The following C2orf76 variants were observed in gnomAD, a reference collection of about 807,000 sequenced individuals.
C2orf76 encodes the protein UPF0538 protein C2orf76.
In C2orf76, 23 loss-of-function variants were observed where a neutral mutation model predicts 16.9. The observed-to-expected ratio is 1.36, with a 90% CI of 0.98 to 1.93. The LOEUF is 1.93. C2orf76 is among the 30% of genes most tolerant of loss of function. The pLI is 0.00. For missense variants in C2orf76, 152 were observed against 152.6 expected (o/e 1.00, Z 0.02); for synonymous variants, 48 against 52.3 (o/e 0.92, Z 0.35).
At chr2:119,357,873 A>T (rs1346326818) in intron 1 of C2orf76, among the ~76,000 whole-genome samples, 3 of 152,232 alleles carry the variant, frequency 2.0e-5, no homozygotes, top group African/African-American at 7.2e-5. Context: ...GGAATTAATG[A>T]ATTTGGCAAA....
In C2orf76 at chr2:119,365,220, T is replaced by C. The variant is rs190309576; in HGVS notation, c.-13+1570A>G. 2.0e-5 allele frequency among the ~76,000 whole-genome samples: 3 copies of C among 152,334 alleles called. No individual in the cohort carries two copies. The East Asian group carries it at 5.8e-4, about 29-fold the overall frequency. ...CTGCTGACTAGGAGATGTATTTGACTGCAAATCTGGCCCACACAAGCAATA... is the reference window on the plus strand; with the variant it reads ...CTGCTGACTAGGAGATGTATTTGACCGCAAATCTGGCCCACACAAGCAATA... On this transcript the variant is annotated intron_variant, in intron 1 of 5. Transcript: ENST00000334816.
rs760737075 is a variant in C2orf76 at position 119,339,938 on chromosome 2, T to C, written c.22A>G (p.Ile8Val). MAPGEVT[I>V]TVRLIRSFEH... ...AAGGAACGGATGAGGCGAACTGTGATGGTCACTTCTCCAGGAGCCATGTGA... is the reference window on the plus strand; with the variant it reads ...AAGGAACGGATGAGGCGAACTGTGACGGTCACTTCTCCAGGAGCCATGTGA... Residue 8 changes from isoleucine to valine, a missense_variant, in exon 2 of 6, where the codon ATC becomes GTC. Ile to Val is a conservative substitution (Grantham distance 29, BLOSUM62 3). Transcript: ENST00000334816. The C allele has an allele frequency of 6.2e-7, 1 of 1,612,234 alleles. No homozygotes were observed. The highest frequency in any genetic ancestry group is 8.5e-7 in the Non-Finnish European group (1 of 1,178,370).
chr2:119,302,959 C>T (rs1355679021), intron 5 of C2orf76, among the ~76,000 whole-genome samples: 4 of 151,924 alleles, frequency 2.6e-5, no homozygotes, highest in Middle Eastern at 6.8e-3. Flanking sequence ...TTTTCCCCCC[C>T]TGAAATTAGC....
At chr2:119,293,387 A>G in the C2orf76 span, among the ~76,000 whole-genome samples, 7 of 152,302 alleles carry the variant, frequency 4.6e-5, no homozygotes, top group East Asian at 7.7e-4. Context: ...GCCCTGGGGC[A>G]TGTGTATGTT....
At chr2:119,347,716 A>T (rs758509741) in intron 1 of C2orf76, among the ~76,000 whole-genome samples, 1 of 152,016 alleles carries the variant, frequency 6.6e-6, no homozygotes, top group Non-Finnish European at 1.5e-5. Flanking sequence ...TCCAAAAATA[A>T]TTTTTTAATT....
downstream of C2orf76, among the ~76,000 whole-genome samples, chr2:119,300,704 T>A (rs921679875): frequency 1.6e-4 from 25 of 152,232 alleles, no homozygotes; most frequent in African/African-American, 6.0e-4. Context: ...CTCAGAACAT[T>A]TACATTAGCC....
intron 2 of C2orf76, among the ~76,000 whole-genome samples, chr2:119,336,731 A>C (rs1014665709): frequency 9.9e-5 from 15 of 152,150 alleles, no homozygotes; most frequent in African/African-American, 1.2e-4. Flanking sequence ...TGTGTAAAAT[A>C]ACTCCAAGAG....
At chr2:119,284,248 C>T in the C2orf76 span, among the ~76,000 whole-genome samples, 3 of 152,174 alleles carry the variant, frequency 2.0e-5, no homozygotes, top group Non-Finnish European at 2.9e-5. Flanking sequence ...TGTCACATCC[C>T]GCCTGGCTGA....
At chr2:119,353,495 T>C (rs1680468061) in intron 1 of C2orf76, among the ~76,000 whole-genome samples, 1 of 150,418 alleles carries the variant, frequency 6.6e-6, no homozygotes, top group African/African-American at 2.4e-5. Flanking sequence ...TAGATTTCGG[T>C]AACAATGAAA....
the C2orf76 span, among the ~76,000 whole-genome samples, chr2:119,287,518 GTTT>G: frequency 6.7e-6 from 1 of 148,440 alleles, no homozygotes; most frequent in African/African-American, 2.5e-5. Flanking sequence ...CTAATAACAT[GTTT>G]TTTTTTTTAA....
At chr2:119,366,969 C>T, upstream of C2orf76, 3 of 1,582,968 alleles carry the variant, frequency 1.9e-6, no homozygotes, top group Non-Finnish European at 1.7e-6. Context: ...CCTCTAAAGG[C>T]GCTTGCCAGT....
the C2orf76 span, among the ~76,000 whole-genome samples, chr2:119,293,884 C>G: frequency 2.6e-5 from 4 of 152,162 alleles, no homozygotes; most frequent in East Asian, 7.7e-4. Flanking sequence ...GGAGAAAGCT[C>G]AGAGGCTCAG....
chr2:119,366,524 C>CG, intron 1 of C2orf76: 1 of 471,284 alleles, frequency 2.1e-6, no homozygotes, highest in Non-Finnish European at 4.4e-6. Context: ...GGACCATCTC[C>CG]GGGGGTCTCC....
rs1681029369 is a variant in C2orf76, at chr2:119,366,825, T to C, written c.-48A>G. On this transcript the variant is annotated 5_prime_UTR_variant, in exon 1 of 6. Transcript: ENST00000334816. ...CGTCCCCTTCGGCTACTCCCGGCGTTTGCGCAAGCGGTCCCACGTGGGCTC... is the reference window on the plus strand; with the variant it reads ...CGTCCCCTTCGGCTACTCCCGGCGTCTGCGCAAGCGGTCCCACGTGGGCTC... 7 of 594,566 alleles carry C rather than the reference T, an allele frequency of 1.2e-5. No individual in the cohort carries two copies. In the South Asian group the frequency reaches 1.5e-4, roughly 12 times the overall value. The allele number at this position is 594,566 out of a possible 1,614,324, so 36.8% of individuals were successfully genotyped here. A position where few individuals can be genotyped will look rare whatever the true frequency, so the allele number is the denominator to read the frequency against.
intron 1 of C2orf76, among the ~76,000 whole-genome samples, chr2:119,364,877 A>G (rs1394647091): frequency 1.3e-5 from 2 of 152,028 alleles, no homozygotes; most frequent in Non-Finnish European, 2.9e-5. Flanking sequence ...CCAGGAGATC[A>G]AGACCAACAA....
intron 1 of C2orf76, among the ~76,000 whole-genome samples, chr2:119,342,927 G>T (rs1194034128): frequency 6.6e-6 from 1 of 152,016 alleles, no homozygotes; most frequent in Non-Finnish European, 1.5e-5. Context: ...GCGCCACCAG[G>T]CCCGGCTAAT....
chr2:119,324,724 G>A (rs778089745), intron 2 of C2orf76, among the ~76,000 whole-genome samples: 2 of 152,102 alleles, frequency 1.3e-5, no homozygotes, highest in Non-Finnish European at 2.9e-5. Flanking sequence ...CTGCCCTCTC[G>A]ACTCCCCTCC....
the C2orf76 span, among the ~76,000 whole-genome samples, chr2:119,287,081 G>A: frequency 1.3e-5 from 2 of 152,148 alleles, no homozygotes; most frequent in African/African-American, 2.4e-5. Flanking sequence ...TTACCTCCAA[G>A]TGCCCCTTCC....
downstream of C2orf76, among the ~76,000 whole-genome samples, chr2:119,301,723 G>A (rs974192387): frequency 6.6e-6 from 1 of 152,148 alleles, no homozygotes; most frequent in Non-Finnish European, 1.5e-5. Flanking sequence ...TATTTAGAAG[G>A]AATGTATCTT....
Sources: gnomAD v4.1 joint callset for allele counts (sites outside exome capture counted in the v4.1 genomes callset) on GRCh38, gnomAD v4.1.1 for gene constraint, MANE v1.5 for transcripts, NCBI Gene and HGNC (gene_info 2026-07-23, HGNC 2026-07-21) for gene names.